The following C20orf96 variants were observed in gnomAD, a reference collection of about 807,000 sequenced individuals.
C20orf96 encodes uncharacterized protein C20orf96.
Under a neutral mutation model 52.6 loss-of-function variants are expected in C20orf96, and 57 were observed. The ratio of observed to expected loss-of-function variants is 1.08; its 90% CI spans 0.88 to 1.35. C20orf96 has a LOEUF of 1.35. Ranked by LOEUF, C20orf96 falls within the 40% of genes most tolerant of loss-of-function variation. The pLI, the probability that C20orf96 is intolerant of heterozygous loss-of-function variation, is 0.00. For missense variants in C20orf96, 478 were observed against 443.6 expected, an observed-to-expected ratio of 1.08 and a Z score of -0.70; for synonymous variants, 168 against 157.2, an observed-to-expected ratio of 1.07 and a Z score of -0.51.
chr20:279,693 C>CG (rs1206920572), intron 4 of C20orf96, among the ~76,000 whole-genome samples: 1 of 152,046 alleles, frequency 6.6e-6, no homozygotes, highest in Non-Finnish European at 1.5e-5. Flanking sequence ...TAGTAAGGGC[C>CG]GGGCGGGGTG....
intron 7 of C20orf96, 30 bp downstream of exon 7, chr20:277,196 C>T: frequency 6.2e-7 from 1 of 1,613,700 alleles, no homozygotes; most frequent in Non-Finnish European, 8.5e-7. Context: ...CCCACACAGT[C>T]TGGTGGGAGA....
chr20:276,132 C>G, intron 9 of C20orf96, 46 bp from the exon 10 acceptor site: 1 of 1,610,878 alleles, frequency 6.2e-7, no homozygotes, highest in South Asian at 1.1e-5. Flanking sequence ...GCAAATGGCC[C>G]CCAACCAAAG....
chr20:285,051 A>G, intron 3 of C20orf96, among the ~76,000 whole-genome samples: 1 of 152,166 alleles, frequency 6.6e-6, no homozygotes, highest in East Asian at 1.9e-4. Context: ...GGTGTTTGGA[A>G]TAGTGCCTGA....
intron 10 of C20orf96, among the ~76,000 whole-genome samples, chr20:273,145 T>C (rs1178093986): frequency 6.6e-6 from 1 of 152,152 alleles, no homozygotes; most frequent in African/African-American, 2.4e-5. Context: ...TGGCTAACTT[T>C]TGTATTTTTT....
chr20:274,177 A>C (rs901879334), intron 10 of C20orf96, among the ~76,000 whole-genome samples: 1 of 151,950 alleles, frequency 6.6e-6, no homozygotes, highest in Non-Finnish European at 1.5e-5. Flanking sequence ...TCTGCTTAAC[A>C]GTGTGCCATT....
chr20:279,956 A>G (rs2012208886), intron 4 of C20orf96, among the ~76,000 whole-genome samples: 1 of 152,062 alleles, frequency 6.6e-6, no homozygotes, highest in Non-Finnish European at 1.5e-5. Flanking sequence ...GCGACAGAGG[A>G]AGATTCCTGT....
chr20:275,843 G>C, intron 10 of C20orf96, 125 bp downstream of exon 10: 1 of 890,316 alleles, frequency 1.1e-6, no homozygotes, highest in Admixed American at 1.9e-5. Flanking sequence ...GGAAACCCAG[G>C]ACCGCCCCTC....
chr20:289,004 A>G (rs1600192439), intron 3 of C20orf96, among the ~76,000 whole-genome samples: 1 of 152,248 alleles, frequency 6.6e-6, no homozygotes, highest in South Asian at 2.1e-4. Context: ...AAGGCCTCGG[A>G]ACTCCCCTGT....
rs769440813 is a variant in C20orf96, at chr20:276,054, T to C, written c.945A>G (p.Val315=). The change falls in exon 10 of 11, where the codon GTA becomes GTG. Residue 315 remains valine (V), a synonymous_variant. Coordinates refer to ENST00000360321, the MANE Select transcript of C20orf96 (RefSeq NM_153269.3). ...IIDQFEENMP[V]LRAEVEELQA... is the part of the protein sequence containing the mutation. ...GGAGCTCTTCCACCTCGGCCCTTAA[T>C]ACAGGCATGTTCTCCTCAAACTGGT... 39 of 1,614,006 alleles carry C rather than the reference T, an allele frequency of 2.4e-5. No homozygotes were observed. The highest frequency in any genetic ancestry group is 3.2e-5 in the Non-Finnish European group (38 of 1,180,042).
chr20:278,315 G>GCCAGGGATT lies in C20orf96; in HGVS notation c.565+6_565+14dup. 4 of 1,603,292 alleles carry GCCAGGGATT rather than the reference G, an allele frequency of 2.5e-6. No individual in the cohort carries two copies. The highest frequency in any genetic ancestry group is 3.4e-6 in the Non-Finnish European group (4 of 1,170,178). ...GCCAGGGGGGAGGGTCAAGGAATTT[G>GCCAGGGATT]CCAGGGATTCTTACAGCTCATCTTG... On this transcript the variant is annotated intron_variant, in intron 6 of 10. Coordinates refer to ENST00000360321, the MANE Select transcript of C20orf96 (RefSeq NM_153269.3).
In C20orf96 at chr20:290,678, T is replaced by C; in HGVS notation, c.-68A>G. On this transcript the variant is annotated 5_prime_UTR_variant, in exon 1 of 11. Coordinates refer to ENST00000360321, the MANE Select transcript of C20orf96 (RefSeq NM_153269.3). ...TCTTCTGGTATAACTACTCGGCTTT[T>C]CCAACTTCCTTGTCTCAGTGTAGAT... 3 of 1,596,452 alleles carry C rather than the reference T, an allele frequency of 1.9e-6. No homozygotes were observed. Among genetic ancestry groups the C allele is most frequent in the South Asian group, 1.1e-5 (1 of 90,232 alleles).
chr20:290,584 T>TTTTTTTTTTTA lies in C20orf96; in HGVS notation c.20+6_20+7insTAAAAAAAAAA. ...TCCAATTTTTTTTTTTTTTTTTTTT[T>TTTTTTTTTTTA]ACCTACTTTTGTAAGACATGCGCCA... On this transcript the variant is annotated splice_region_variant and intron_variant, in intron 1 of 10. Coordinates refer to ENST00000360321, the MANE Select transcript of C20orf96 (RefSeq NM_153269.3). 2 of 1,553,118 alleles carry TTTTTTTTTTTA rather than the reference T, an allele frequency of 1.3e-6. No homozygotes were observed. Among genetic ancestry groups the TTTTTTTTTTTA allele is most frequent in the Non-Finnish European group, 8.6e-7 (1 of 1,156,714 alleles).
At chr20:273,644 G>C (rs1484437170) in intron 10 of C20orf96, among the ~76,000 whole-genome samples, 2 of 152,088 alleles carry the variant, frequency 1.3e-5, no homozygotes, top group African/African-American at 4.8e-5. Context: ...GGGAGGCCAA[G>C]GCAGGCAGAT....
chr20:287,877 C>G (rs1322522043), intron 3 of C20orf96, among the ~76,000 whole-genome samples: 1 of 131,140 alleles, frequency 7.6e-6, no homozygotes, highest in African/African-American at 3.0e-5. Context: ...CCACTGCACC[C>G]TGGCCTGAGC....
intron 1 of C20orf96, 96 bp downstream of exon 1, chr20:290,495 C>T (rs1748895512): frequency 7.0e-7 from 1 of 1,432,102 alleles, no homozygotes; most frequent in East Asian, 2.7e-5. Flanking sequence ...AGACCGAGGG[C>T]GACCTCGAGG....
chr20:284,014 T>C lies in C20orf96; in HGVS notation c.255A>G (p.Arg85=). The C allele has an allele frequency of 1.2e-6, 2 of 1,614,172 alleles. No individual in the cohort carries two copies. Among genetic ancestry groups the C allele is most frequent in the Non-Finnish European group, 1.7e-6 (2 of 1,180,030 alleles). Residue 85 remains arginine, a synonymous_variant, in exon 4 of 11, where the codon AGA becomes AGG. Transcript: ENST00000360321. ...CQPKNPRELH[R]RRKLDPGKMH... ...TCTTCCCAGGGTCCAACTTCCGCCT[T>C]CTATGTAGTTCTCTTGGATTCTTCG...
intron 10 of C20orf96, among the ~76,000 whole-genome samples, chr20:271,782 C>A (rs1179412158): frequency 2.0e-5 from 3 of 152,184 alleles, no homozygotes; most frequent in Non-Finnish European, 4.4e-5. Context: ...AATATTCTAA[C>A]CTCAGTCATT....
At chr20:287,371 A>G (rs555527200) in intron 3 of C20orf96, among the ~76,000 whole-genome samples, 70 of 152,326 alleles carry the variant, frequency 4.6e-4, no homozygotes, top group African/African-American at 1.6e-3. Flanking sequence ...ATAGGTGTGC[A>G]GTGATATCTC....
In C20orf96 at chr20:287,176, G is replaced by A. The variant is rs2012408187; in HGVS notation, c.187+2383C>T. Among the ~76,000 whole-genome samples the A allele has an allele frequency of 2.6e-5, 4 of 152,188 alleles. No homozygotes were observed. The South Asian group carries it at 8.3e-4, about 31-fold the overall frequency. ...AAGTTTTCATTTCTCTGGAATAAATGCCCAAGAGTAAAACTGCTGGGTCGG... is the reference window on the plus strand; with the variant it reads ...AAGTTTTCATTTCTCTGGAATAAATACCCAAGAGTAAAACTGCTGGGTCGG... On this transcript the variant is annotated intron_variant, in intron 3 of 10. Transcript: ENST00000360321.
Sources: allele counts gnomAD v4.1 joint callset (sites outside exome capture counted in the v4.1 genomes callset), GRCh38; gene constraint gnomAD v4.1.1; transcripts MANE v1.5; gene names NCBI Gene and HGNC (gene_info 2026-07-23, HGNC 2026-07-21).